SLC35D1: variants seen among roughly 807,000 people sequenced by gnomAD.
SLC35D1 encodes the protein nucleotide sugar transporter SLC35D1.
SLC35D1 carries 31 observed loss-of-function variants against 46.7 expected under a neutral mutation model. The observed-to-expected ratio is 0.66, with a 90% confidence interval of 0.50 to 0.90. SLC35D1 has a LOEUF of 0.90. Ranked by LOEUF, SLC35D1 falls within the 40% of genes least tolerant of loss-of-function variation. The probability of loss-of-function intolerance (pLI) is 0.00; values close to 1 mark genes in which losing one functional copy is unlikely to be tolerated. For synonymous variants in SLC35D1, 195 were observed against 164.6 expected, an observed-to-expected ratio of 1.18 and a Z score of -1.41; for missense variants, 397 against 426.2, an observed-to-expected ratio of 0.93 and a Z score of 0.60.
At chr1:67,041,222 G>A (rs1253961703) in intron 8 of SLC35D1, among the ~76,000 whole-genome samples, 1 of 151,916 alleles carries the variant, frequency 6.6e-6, no homozygotes, top group African/African-American at 2.4e-5. Context: ...TAGAGAAATA[G>A]CCGTTTCCTA....
At chr1:67,014,378 G>A (rs879704006) in intron 10 of SLC35D1, among the ~76,000 whole-genome samples, 2 of 152,160 alleles carry the variant, frequency 1.3e-5, no homozygotes, top group East Asian at 3.9e-4. Flanking sequence ...TTTCACTTAT[G>A]AATACAAAGT....
Position 67,054,118 on chromosome 1 carries a change from G to A in SLC35D1, c.-105C>T. On this transcript the variant is annotated 5_prime_UTR_variant, in exon 1 of 12. Coordinates refer to ENST00000235345, the MANE Select transcript of SLC35D1 (RefSeq NM_015139.3). ...GAGTTGGGGACCGCAGACTAGGCCA[G>A]CTGCGCGCTCGCCGCCTCGACTCCC... is the stretch of plus-strand genomic sequence containing the variant. 1 of 1,169,304 alleles carries A rather than the reference G, an allele frequency of 8.6e-7. No individual in the cohort carries two copies. The highest frequency in any genetic ancestry group is 1.5e-5 in the South Asian group (1 of 66,936). 72.4% of individuals were successfully genotyped at this position (1,169,304 alleles called of 1,614,324 possible). A position where few individuals can be genotyped will look rare whatever the true frequency, so the allele number is the denominator to read the frequency against.
In SLC35D1 at chr1:67,053,700, C is replaced by G. The variant is rs528075781; in HGVS notation, c.203+111G>C. ...CCGCCCGCCCTCCCCAGCTCCCGCCCAACTTTGTTCGGCTTTAACTTTGGC... is the reference window on the plus strand; with the variant it reads ...CCGCCCGCCCTCCCCAGCTCCCGCCGAACTTTGTTCGGCTTTAACTTTGGC... On this transcript the variant is annotated intron_variant, in intron 1 of 11. Coordinates refer to ENST00000235345, the MANE Select transcript of SLC35D1 (RefSeq NM_015139.3). 1.4e-5 allele frequency: 16 copies of G among 1,111,384 alleles called. No homozygotes were observed. In the South Asian group the frequency reaches 1.9e-4, roughly 13 times the overall value. The allele number at this position is 1,111,384 out of a possible 1,614,324, so 68.8% of individuals were successfully genotyped here. A position where few individuals can be genotyped will look rare whatever the true frequency, so the allele number is the denominator to read the frequency against.
the SLC35D1 span, among the ~76,000 whole-genome samples, chr1:66,989,298 T>G: frequency 4.6e-5 from 7 of 152,332 alleles, no homozygotes; most frequent in South Asian, 1.4e-3. Context: ...TTTTTGGTAT[T>G]CTCATCGTTG....
intron 10 of SLC35D1, among the ~76,000 whole-genome samples, chr1:67,010,820 C>T (rs986408041): frequency 7.9e-5 from 12 of 152,078 alleles, no homozygotes; most frequent in Non-Finnish European, 1.6e-4. Context: ...CTTTAACATA[C>T]AGTAATTAAG....
chr1:67,025,836 T>C (rs1177889488), intron 8 of SLC35D1, among the ~76,000 whole-genome samples: 1 of 152,212 alleles, frequency 6.6e-6, no homozygotes, highest in East Asian at 1.9e-4. Context: ...ATTTTTTACT[T>C]AGCTTCCAAG....
the SLC35D1 span, among the ~76,000 whole-genome samples, chr1:66,993,896 T>TA: frequency 6.6e-6 from 1 of 152,308 alleles, no homozygotes; most frequent in East Asian, 1.9e-4. Flanking sequence ...CTTGGAAACA[T>TA]AAGTTAGTCA....
chr1:66,998,524 A>G (rs1157907014), downstream of SLC35D1, among the ~76,000 whole-genome samples: 1 of 152,198 alleles, frequency 6.6e-6, no homozygotes, highest in East Asian at 1.9e-4. Flanking sequence ...TGGGATCTTG[A>G]AAAGTATTTG....
At position 67,016,800 on chromosome 1, in the gene SLC35D1, G is replaced by C. The variant is rs145561582; in HGVS notation, c.876+3569C>G. Among the ~76,000 whole-genome samples, 252 of 151,954 alleles carry C rather than the reference G, an allele frequency of 1.7e-3. 1 individual carries two copies. The highest frequency in any genetic ancestry group is 5.3e-3 in the African/African-American group (219 of 41,470). The stretch of plus-strand genomic sequence containing the variant: ...TTTGTAATAGGACACAGAGACACTG[G>C]TTATTTTACCAATACTTTGACTAAA... On this transcript the variant is annotated intron_variant, in intron 10 of 11. Coordinates refer to ENST00000235345, the MANE Select transcript of SLC35D1 (RefSeq NM_015139.3).
chr1:67,039,666 T>C (rs755963630), intron 8 of SLC35D1, among the ~76,000 whole-genome samples: 4 of 152,200 alleles, frequency 2.6e-5, no homozygotes, highest in Non-Finnish European at 4.4e-5. Context: ...CCATTCAAAG[T>C]GGCCCCCATT....
chr1:66,987,512 T>C, the SLC35D1 span: 1 of 152,718 alleles, frequency 6.5e-6, no homozygotes, highest in Non-Finnish European at 1.5e-5. Flanking sequence ...TGTTGAGCTT[T>C]AAAATGTATT....
chr1:66,988,635 A>C, the SLC35D1 span: 3 of 152,450 alleles, frequency 2.0e-5, no homozygotes, highest in African/African-American at 7.2e-5. Flanking sequence ...AGTAAGAAGT[A>C]ATTTGAACAC....
intron 10 of SLC35D1, among the ~76,000 whole-genome samples, chr1:67,012,467 T>A (rs1477037862): frequency 6.8e-6 from 1 of 147,458 alleles, no homozygotes. Flanking sequence ...GACTATTAGA[T>A]TGAGTCACTA....
intron 11 of SLC35D1, among the ~76,000 whole-genome samples, chr1:67,005,358 A>G (rs911690680): frequency 1.3e-5 from 2 of 152,292 alleles, no homozygotes; most frequent in African/African-American, 4.8e-5. Flanking sequence ...CTCTGACATC[A>G]GCCCCAGACC....
rs571694976 is a variant in SLC35D1 at position 67,047,152 on chromosome 1, C to T, written c.636+113G>A. The T allele has an allele frequency of 2.6e-4, 199 of 778,304 alleles. 5 individuals carry two copies. In the South Asian group the frequency reaches 2.9e-3, roughly 11 times the overall value. The allele number at this position is 778,304 out of a possible 1,614,324, so 48.2% of individuals were successfully genotyped here. ...TACAGGAATTTTACCCTCAGAGAGC[C>T]ACTATGTCTTTCTCATCCCCAGTAA... On this transcript the variant is annotated intron_variant, in intron 7 of 11. Transcript: ENST00000235345.
intron 8 of SLC35D1, among the ~76,000 whole-genome samples, chr1:67,032,927 C>T (rs1228382841): frequency 6.6e-6 from 1 of 152,132 alleles, no homozygotes; most frequent in Non-Finnish European, 1.5e-5. Flanking sequence ...TGGTAAACCA[C>T]CTACTTTCTA....
chr1:66,992,300 C>G, the SLC35D1 span, among the ~76,000 whole-genome samples: 2 of 152,182 alleles, frequency 1.3e-5, no homozygotes, highest in African/African-American at 4.8e-5. Context: ...TCCCAACTGC[C>G]TTTACTTTCT....
At chr1:67,030,694 C>G (rs1668000280) in intron 8 of SLC35D1, among the ~76,000 whole-genome samples, 1 of 152,074 alleles carries the variant, frequency 6.6e-6, no homozygotes, top group Non-Finnish European at 1.5e-5. Context: ...TCCTCTAGCT[C>G]TAAATATCTC....
chr1:67,053,750 C>G (rs1316046205), intron 1 of SLC35D1, 61 bp downstream of exon 1: 2 of 1,393,310 alleles, frequency 1.4e-6, no homozygotes, highest in Non-Finnish European at 9.4e-7. Flanking sequence ...GAGCCGGCGC[C>G]GCGCCGCCGC....
Sources: allele counts gnomAD v4.1 joint callset (sites outside exome capture counted in the v4.1 genomes callset), GRCh38; gene constraint gnomAD v4.1.1; transcripts MANE v1.5; gene names NCBI Gene and HGNC (gene_info 2026-07-23, HGNC 2026-07-21).